KRT7: variants seen among roughly 807,000 people sequenced by gnomAD.
KRT7 encodes keratin, type II cytoskeletal 7.
Under a neutral mutation model 42.8 loss-of-function variants are expected in KRT7, and 50 were observed. The ratio of observed to expected loss-of-function variants is 1.17; its 90% CI spans 0.93 to 1.48. The LOEUF is 1.48. Ranked by LOEUF, KRT7 falls within the 40% of genes most tolerant of loss-of-function variation. The pLI is 0.00. For synonymous variants in KRT7, 268 were observed against 266.3 expected (o/e 1.01, Z -0.06); for missense variants, 588 against 637.6 (o/e 0.92, Z 0.84).
downstream of KRT7, chr12:52,253,421 C>T: frequency 1.3e-6 from 2 of 1,574,694 alleles, no homozygotes; most frequent in Admixed American, 1.7e-5. Flanking sequence ...GCAGGTTGTG[C>T]AGTGCTCAGC....
At chr12:52,234,123 G>A (rs1301966123) in intron 1 of KRT7, among the ~76,000 whole-genome samples, 4 of 139,164 alleles carry the variant, frequency 2.9e-5, no homozygotes, top group Non-Finnish European at 6.3e-5. Context: ...CGGTGGGGCG[G>A]GGGAGGGGGG....
chr12:52,247,627 C>A (rs1942193979), intron 7 of KRT7: 1 of 154,362 alleles, frequency 6.5e-6, no homozygotes, highest in Admixed American at 6.4e-5. Context: ...TGCTTAAAGC[C>A]ACCCCCACTC....
At chr12:52,251,959 C>T (rs1469454063), downstream of KRT7, 2 of 578,580 alleles carry the variant, frequency 3.5e-6, no homozygotes, top group Non-Finnish European at 3.3e-6. Context: ...ATCTGAAGCT[C>T]TAAGAAAAAG....
downstream of KRT7, chr12:52,252,016 G>A (rs1942272627): frequency 1.5e-6 from 1 of 689,060 alleles, no homozygotes; most frequent in Non-Finnish European, 2.6e-6. Flanking sequence ...CCCACAAAAT[G>A]GATTACTTAC....
intron 6 of KRT7, 28 bp downstream of exon 6, chr12:52,243,165 G>A (rs751491450): frequency 1.3e-6 from 2 of 1,596,200 alleles, no homozygotes; most frequent in Non-Finnish European, 1.7e-6. Context: ...GGCTTCCCCT[G>A]CTACTTGGGG....
chr12:52,237,696 G>T, intron 3 of KRT7, 127 bp downstream of exon 3: 1 of 658,458 alleles, frequency 1.5e-6, no homozygotes, highest in Non-Finnish European at 2.7e-6. Context: ...CCAAGAGGAA[G>T]TCTGCACAGC....
rs1473587508 is a variant in KRT7, at chr12:52,237,582, G to T, written c.597+13G>T. ...GGTGCTGAAGAAGGTGAGTGGGAAA[G>T]ACAGGCTCGAGGAGGGTTGTCTGAA... On this transcript the variant is annotated intron_variant, in intron 3 of 8. Coordinates refer to ENST00000331817, the MANE Select transcript of KRT7 (RefSeq NM_005556.4). The T allele has an allele frequency of 5.7e-6, 9 of 1,591,444 alleles. No individual in the cohort carries two copies. The Admixed American group carries it at 1.4e-4, about 25-fold the overall frequency.
intron 5 of KRT7, chr12:52,241,878 G>T (rs1386264906): frequency 3.2e-6 from 1 of 310,956 alleles, no homozygotes; most frequent in African/African-American, 2.1e-5. Flanking sequence ...ACAGTACTAG[G>T]CTCATGTAAT....
At position 52,248,893 on chromosome 12, in the gene KRT7, C is replaced by A; in HGVS notation, c.*133C>A. Reference sequence around the variant, plus strand: ...GATGTCAGAATAGCTTCCAATAAAGCAGCCTCATTCTGAGGCCTGAGTGAT... The same window carrying A: ...GATGTCAGAATAGCTTCCAATAAAGAAGCCTCATTCTGAGGCCTGAGTGAT... On this transcript the variant is annotated 3_prime_UTR_variant, in exon 9 of 9. Coordinates refer to ENST00000331817, the MANE Select transcript of KRT7 (RefSeq NM_005556.4). 2.3e-6 allele frequency: 2 copies of A among 879,436 alleles called. No individual in the cohort carries two copies. Among genetic ancestry groups the A allele is most frequent in the Non-Finnish European group, 3.2e-6 (2 of 630,406 alleles). The allele number at this position is 879,436 out of a possible 1,614,324, so 54.5% of individuals were successfully genotyped here. A position where few individuals can be genotyped will look rare whatever the true frequency, so the allele number is the denominator to read the frequency against.
chr12:52,238,413 A>G (rs1330840578), intron 3 of KRT7, among the ~76,000 whole-genome samples: 2 of 152,150 alleles, frequency 1.3e-5, no homozygotes, highest in African/African-American at 4.8e-5. Context: ...TGTTGAAACC[A>G]TCTAGGTCTT....
chr12:52,239,093 G>A (rs760826231), intron 4 of KRT7, among the ~76,000 whole-genome samples: 16 of 152,176 alleles, frequency 1.1e-4, no homozygotes, highest in Admixed American at 7.9e-4. Context: ...CTTCCTGGAC[G>A]TTGTCTATTG....
Position 52,233,469 on chromosome 12 carries a change from C to T in KRT7, c.173C>T (p.Pro58Leu), listed in dbSNP as rs909982691. Residue 58 changes from proline (P) to leucine (L), a missense_variant, in exon 1 of 9, where the codon CCG becomes CTG. Coordinates refer to ENST00000331817, the MANE Select transcript of KRT7 (RefSeq NM_005556.4). ...RVAVRSAYGGPVGAGIREVTI... is the reference protein window; with the variant it reads ...RVAVRSAYGGLVGAGIREVTI... ...GCCGTGCGCTCTGCCTATGGGGGCC[C>T]GGTGGGCGCCGGCATCCGCGAGGTC... The T allele has an allele frequency of 1.9e-6, 3 of 1,609,244 alleles. No individual in the cohort carries two copies. In the Admixed American group the frequency reaches 5.0e-5, roughly 27 times the overall value.
chr12:52,235,374 C>T lies in KRT7; in HGVS notation c.536+8C>T, dbSNP rs770954534. Reference sequence around the variant, plus strand: ...GGAGGACTTCAAGAATAAGTAATGCCCCCTGTGCCACATGCGAAGACCCCT... The same window carrying T: ...GGAGGACTTCAAGAATAAGTAATGCTCCCTGTGCCACATGCGAAGACCCCT... On this transcript the variant is annotated splice_region_variant and intron_variant, in intron 2 of 8. Coordinates refer to ENST00000331817, the MANE Select transcript of KRT7 (RefSeq NM_005556.4). The T allele has an allele frequency of 2.5e-6, 4 of 1,598,810 alleles. No individual in the cohort carries two copies. The South Asian group carries it at 3.3e-5, about 13-fold the overall frequency.
intron 5 of KRT7, chr12:52,241,974 T>A (rs527597349): frequency 5.3e-4 from 83 of 155,990 alleles, no homozygotes; most frequent in Non-Finnish European, 1.0e-3. Context: ...TAATTTATTT[T>A]ATTTCTATTT....
intron 1 of KRT7, among the ~76,000 whole-genome samples, 164 bp downstream of exon 1, chr12:52,233,784 A>T (rs36053378): frequency 0.29 from 43,621 of 151,940 alleles, 6,878 homozygotes; most frequent in Non-Finnish European, 0.34. Flanking sequence ...CCTCCTTCGC[A>T]TGAACCCCGT....
intron 2 of KRT7, among the ~76,000 whole-genome samples, chr12:52,236,962 A>C (rs964549386): frequency 1.3e-5 from 2 of 152,138 alleles, no homozygotes; most frequent in African/African-American, 2.4e-5. Context: ...CCTCCCCTTC[A>C]GACTCCTTCT....
Position 52,233,555 on chromosome 12 carries a change from G to C in KRT7, c.259G>C (p.Val87Leu). The change falls in exon 1 of 9, where the codon GTG becomes CTG. Residue 87 changes from valine (V) to leucine (L), a missense_variant. Coordinates refer to ENST00000331817, the MANE Select transcript of KRT7 (RefSeq NM_005556.4). ...RLDADPSLQR[V>L]RQEESEQIKT... ...GGACGCCGACCCCTCCCTCCAGCGG[G>C]TGCGCCAGGAGGAGAGCGAGCAGAT... 1 of 1,613,180 alleles carries C rather than the reference G, an allele frequency of 6.2e-7. No homozygotes were observed. The highest frequency in any genetic ancestry group is 8.5e-7 in the Non-Finnish European group (1 of 1,179,800).
downstream of KRT7, chr12:52,252,623 G>T: frequency 9.6e-7 from 1 of 1,041,226 alleles, no homozygotes; most frequent in Non-Finnish European, 1.4e-6. Flanking sequence ...GTGCTCCCAG[G>T]CATGTTTGCA....
chr12:52,249,815 G>A (rs1300230552), downstream of KRT7, among the ~76,000 whole-genome samples: 3 of 152,108 alleles, frequency 2.0e-5, no homozygotes, highest in Non-Finnish European at 4.4e-5. Context: ...CTGGGAGGAA[G>A]TCTGTATATT....
Sources: gnomAD v4.1 joint callset for allele counts (sites outside exome capture counted in the v4.1 genomes callset) on GRCh38, gnomAD v4.1.1 for gene constraint, MANE v1.5 for transcripts, NCBI Gene and HGNC (gene_info 2026-07-23, HGNC 2026-07-21) for gene names.